WDR7: variants seen among roughly 807,000 people sequenced by gnomAD.
WDR7 encodes WD repeat domain 7, also known as WD repeat-containing protein 7.
A neutral mutation model predicts 169.4 loss-of-function variants in WDR7; 46 were observed. The ratio of observed to expected loss-of-function variants is 0.27; its 90% CI spans 0.21 to 0.35. WDR7 has a LOEUF of 0.35. Ranked by LOEUF, WDR7 falls within the 10% of genes least tolerant of loss-of-function variation. The pLI, the probability that WDR7 is intolerant of heterozygous loss-of-function variation, is 1.00. For synonymous variants in WDR7, 612 were observed against 666.8 expected, an observed-to-expected ratio of 0.92 and a Z score of 1.27; for missense variants, 1,534 against 1,859.3, an observed-to-expected ratio of 0.83 and a Z score of 3.22.
intron 14 of WDR7, 26 bp from the exon 15 acceptor site, chr18:56,756,557 C>A: frequency 6.6e-7 from 1 of 1,506,066 alleles, no homozygotes; most frequent in Non-Finnish European, 8.9e-7. Context: ...TTAATTATAA[C>A]TATCTTTTAA....
At chr18:56,805,462 AT>A (rs1474954527) in intron 19 of WDR7, among the ~76,000 whole-genome samples, 1 of 152,134 alleles carries the variant, frequency 6.6e-6, no homozygotes, top group Non-Finnish European at 1.5e-5. Flanking sequence ...TAGACCTTTG[AT>A]TTTTGGGAAT....
At chr18:57,007,079 A>C (rs2048070837) in intron 26 of WDR7, among the ~76,000 whole-genome samples, 1 of 150,240 alleles carries the variant, frequency 6.7e-6, no homozygotes, top group Admixed American at 6.6e-5. Flanking sequence ...TCCCGGGTTC[A>C]CGCCATTCTC....
the WDR7 span, chr18:57,035,766 G>C: frequency 6.6e-6 from 1 of 152,312 alleles, no homozygotes; most frequent in Non-Finnish European, 1.5e-5. Flanking sequence ...GTGGCGGCCA[G>C]AGAGACCAGA....
At chr18:57,013,175 G>C (rs2145920640) in intron 26 of WDR7, among the ~76,000 whole-genome samples, 1 of 152,258 alleles carries the variant, frequency 6.6e-6, no homozygotes, top group African/African-American at 2.4e-5. Flanking sequence ...GCACAACCTA[G>C]ATTCCTCGCA....
At chr18:56,656,219 G>A (rs1416319462) in intron 1 of WDR7, among the ~76,000 whole-genome samples, 1 of 151,822 alleles carries the variant, frequency 6.6e-6, no homozygotes, top group Non-Finnish European at 1.5e-5. Context: ...TTTCTACCAG[G>A]AATGTATGAG....
At chr18:56,717,271 G>T (rs1437084575) in intron 12 of WDR7, among the ~76,000 whole-genome samples, 2 of 152,118 alleles carry the variant, frequency 1.3e-5, no homozygotes, top group Non-Finnish European at 2.9e-5. Context: ...TCTTACCAGA[G>T]AAAATCTTTG....
At chr18:56,698,336 G>A (rs981041130) in intron 12 of WDR7, among the ~76,000 whole-genome samples, 3 of 150,876 alleles carry the variant, frequency 2.0e-5, no homozygotes. Context: ...GCAGGGCATG[G>A]TGGCTCATGC....
chr18:56,751,912 A>G (rs1010072031), intron 14 of WDR7, among the ~76,000 whole-genome samples: 6 of 152,216 alleles, frequency 3.9e-5, no homozygotes, highest in Non-Finnish European at 8.8e-5. Flanking sequence ...GTGCTATTGC[A>G]TACTTTTATC....
At chr18:56,745,961 A>G (rs889266418) in intron 14 of WDR7, among the ~76,000 whole-genome samples, 2 of 152,178 alleles carry the variant, frequency 1.3e-5, no homozygotes, top group African/African-American at 2.4e-5. Flanking sequence ...TCCTAGGACA[A>G]TGGTTGGCCA....
chr18:56,692,440 G>T (rs2851989), intron 9 of WDR7, among the ~76,000 whole-genome samples: 5,234 of 14,608 alleles, frequency 0.36, 664 homozygotes, highest in Middle Eastern at 0.67. Flanking sequence ...AGTTTTTTTT[G>T]TTTTTTTTTT....
intron 14 of WDR7, among the ~76,000 whole-genome samples, chr18:56,749,567 ACT>A (rs1407132209): frequency 2.0e-5 from 3 of 151,820 alleles, no homozygotes; most frequent in African/African-American, 4.8e-5. Context: ...GTATAAATAA[ACT>A]CTTTTTAATT....
chr18:56,883,102 C>T lies in WDR7; in HGVS notation c.3526+2937C>T, dbSNP rs534830610. ...GCAGGCGCCTGTAGTCCCAGCTGCT[C>T]GGGAGGCTGAGGCAGGAGAATGGCG... On this transcript the variant is annotated intron_variant, in intron 21 of 27. Transcript: ENST00000254442. Among the ~76,000 whole-genome samples, 322 of 149,828 alleles carry T rather than the reference C, an allele frequency of 2.1e-3. 1 individual carries two copies. Among genetic ancestry groups the T allele is most frequent in the African/African-American group, 7.4e-3 (301 of 40,778 alleles).
At chr18:56,960,435 T>A (rs1235698190) in intron 25 of WDR7, among the ~76,000 whole-genome samples, 1 of 152,198 alleles carries the variant, frequency 6.6e-6, no homozygotes, top group Non-Finnish European at 1.5e-5. Context: ...GGCAATATAG[T>A]TGTTAAATTT....
At chr18:56,716,238 T>C (rs2026189615) in intron 12 of WDR7, among the ~76,000 whole-genome samples, 1 of 152,184 alleles carries the variant, frequency 6.6e-6, no homozygotes, top group Non-Finnish European at 1.5e-5. Context: ...TTCAACTGAA[T>C]GTTTATCAGG....
At chr18:56,983,540 ACAT>A (rs2047673789) in intron 26 of WDR7, among the ~76,000 whole-genome samples, 1 of 148,164 alleles carries the variant, frequency 6.7e-6, no homozygotes, top group Non-Finnish European at 1.5e-5. Flanking sequence ...TACTTTATAG[ACAT>A]CATATTTCAA....
chr18:56,670,761 T>C (rs898760838), intron 1 of WDR7, among the ~76,000 whole-genome samples: 1 of 152,206 alleles, frequency 6.6e-6, no homozygotes, highest in South Asian at 2.1e-4. Flanking sequence ...TCTGCCGACC[T>C]TGGCCTCCCA....
At chr18:56,705,751 C>T (rs2025935953) in intron 12 of WDR7, among the ~76,000 whole-genome samples, 1 of 152,328 alleles carries the variant, frequency 6.6e-6, no homozygotes, top group South Asian at 2.1e-4. Context: ...GTAATCCCAG[C>T]ATTTTGGCAG....
Position 56,961,480 on chromosome 18 carries a change from T to G in WDR7, c.4065-950T>G, listed in dbSNP as rs537890813. Among the ~76,000 whole-genome samples the G allele has an allele frequency of 5.9e-5, 9 of 152,244 alleles. No homozygotes were observed. The South Asian group carries it at 1.7e-3, about 28-fold the overall frequency. On this transcript the variant is annotated intron_variant, in intron 25 of 27. Transcript: ENST00000254442. The stretch of plus-strand genomic sequence containing the variant: ...ATCTAGGGTAGGCCACTTGTTCATC[T>G]GGGCAACTCACACTGAGACAATAGG...
rs555093856 is a variant in WDR7, at chr18:56,757,533, A to G, written c.2759+181A>G. Among the ~76,000 whole-genome samples, 4 of 152,310 alleles carry G rather than the reference A, an allele frequency of 2.6e-5. No individual in the cohort carries two copies. In the South Asian group the frequency reaches 8.3e-4, roughly 32 times the overall value. On this transcript the variant is annotated intron_variant, in intron 15 of 27. Coordinates refer to ENST00000254442, the MANE Select transcript of WDR7 (RefSeq NM_015285.3). ...AAAATGCCCGATTAAAACATAATAA[A>G]ATTAAACAATTTTATGTATGATTGG...
Sources: gnomAD v4.1 joint callset for allele counts (sites outside exome capture counted in the v4.1 genomes callset) on GRCh38, gnomAD v4.1.1 for gene constraint, MANE v1.5 for transcripts, NCBI Gene and HGNC (gene_info 2026-07-23, HGNC 2026-07-21) for gene names.